KLF12: variants seen among roughly 807,000 people sequenced by gnomAD.
KLF12 encodes the protein Krueppel-like factor 12.
KLF12 carries 9 observed loss-of-function variants against 37.8 expected under a neutral mutation model. The ratio of observed to expected loss-of-function variants is 0.24; its 90% CI spans 0.14 to 0.42. The LOEUF (loss-of-function observed/expected upper bound fraction) is 0.42. Ranked by LOEUF, KLF12 falls within the 10% of genes least tolerant of loss-of-function variation. KLF12 has a pLI of 1.00. For missense variants in KLF12, 411 were observed against 516.0 expected (o/e 0.80, Z 1.97); for synonymous variants, 208 against 202.1 (o/e 1.03, Z -0.25).
intron 1 of KLF12, among the ~76,000 whole-genome samples, chr13:74,114,446 AG>A (rs1877166328): frequency 6.6e-6 from 1 of 152,096 alleles, no homozygotes; most frequent in Non-Finnish European, 1.5e-5. Flanking sequence ...TGCTTTATTG[AG>A]ATATTTGCTT....
At chr13:73,903,538 G>A (rs994584570) in intron 3 of KLF12, among the ~76,000 whole-genome samples, 8 of 152,200 alleles carry the variant, frequency 5.3e-5, no homozygotes, top group Non-Finnish European at 1.0e-4. Flanking sequence ...ATACTTACTG[G>A]TAAATGTTTA....
At chr13:73,845,692 C>T (rs1383387309) in intron 4 of KLF12, 135 bp downstream of exon 4, 13 of 704,794 alleles carry the variant, frequency 1.8e-5, no homozygotes, top group Non-Finnish European at 3.1e-5. Flanking sequence ...TAAGGCTGAA[C>T]AGCTGGTGTC....
intron 5 of KLF12, among the ~76,000 whole-genome samples, chr13:73,777,827 T>A (rs920244538): frequency 6.6e-6 from 1 of 151,714 alleles, no homozygotes; most frequent in Non-Finnish European, 1.5e-5. Flanking sequence ...CCTTACTCTG[T>A]CTTTTTTTTA....
chr13:73,709,738 C>T (rs745686617), intron 7 of KLF12, among the ~76,000 whole-genome samples: 29 of 152,116 alleles, frequency 1.9e-4, no homozygotes, highest in Non-Finnish European at 4.0e-4. Flanking sequence ...GCAGGTATTT[C>T]ACAAGGACAT....
chr13:74,013,338 G>C (rs1339027833), intron 1 of KLF12, among the ~76,000 whole-genome samples: 1 of 152,232 alleles, frequency 6.6e-6, no homozygotes, highest in African/African-American at 2.4e-5. Context: ...CCAGGGTTGA[G>C]ACCGAGGTGG....
the KLF12 span, among the ~76,000 whole-genome samples, chr13:74,150,147 TG>T: frequency 6.6e-6 from 1 of 152,196 alleles, no homozygotes; most frequent in Admixed American, 6.5e-5. Context: ...TCTATTTCAC[TG>T]ATGTATTCAC....
chr13:73,788,782 C>T, intron 5 of KLF12, among the ~76,000 whole-genome samples: 1 of 152,010 alleles, frequency 6.6e-6, no homozygotes, highest in East Asian at 1.9e-4. Context: ...GACTCCTCTG[C>T]AATTAATTTT....
intron 4 of KLF12, chr13:73,845,067 T>A (rs771894926): frequency 6.6e-6 from 1 of 152,150 alleles, no homozygotes; most frequent in Non-Finnish European, 1.5e-5. Flanking sequence ...AGAAAATAAC[T>A]TCATGACCAG....
intron 3 of KLF12, among the ~76,000 whole-genome samples, chr13:73,874,925 T>C (rs1432255757): frequency 6.6e-6 from 1 of 152,186 alleles, no homozygotes; most frequent in African/African-American, 2.4e-5. Context: ...TTCAAAGATC[T>C]ACAGTCATTA....
intron 2 of KLF12, among the ~76,000 whole-genome samples, chr13:73,994,300 G>A (rs1326548785): frequency 1.3e-5 from 2 of 152,138 alleles, no homozygotes; most frequent in Non-Finnish European, 1.5e-5. Context: ...TATGAGACCT[G>A]TTCAGTGTAA....
At chr13:74,003,363 G>T (rs1042617680) in intron 1 of KLF12, among the ~76,000 whole-genome samples, 3 of 152,108 alleles carry the variant, frequency 2.0e-5, no homozygotes, top group African/African-American at 4.8e-5. Context: ...AACTTACAAA[G>T]AATATATGTA....
At chr13:73,920,575 T>C (rs1889066412) in intron 3 of KLF12, among the ~76,000 whole-genome samples, 1 of 152,160 alleles carries the variant, frequency 6.6e-6, no homozygotes, top group Non-Finnish European at 1.5e-5. Flanking sequence ...CAGAATTCTC[T>C]ATCCAAACTT....
chr13:74,128,678 T>A (rs1196466759), intron 1 of KLF12, among the ~76,000 whole-genome samples: 1 of 152,252 alleles, frequency 6.6e-6, no homozygotes, highest in Non-Finnish European at 1.5e-5. Flanking sequence ...AGGTTTTCTT[T>A]ACATTGTTTT....
At position 74,022,325 on chromosome 13, in the gene KLF12, AC is replaced by A. The variant is rs555150589; in HGVS notation, c.-31-27273del. Among the ~76,000 whole-genome samples the A allele has an allele frequency of 1.3e-3, 203 of 152,248 alleles. 1 individual carries two copies. The highest frequency in any genetic ancestry group is 4.2e-3 in the African/African-American group (175 of 41,508). ...ACTGCAAACAGAATTTCAGAAAAAAACATAATTATACAGACATTTTTATGTC... is the reference window on the plus strand; with the variant it reads ...ACTGCAAACAGAATTTCAGAAAAAAAATAATTATACAGACATTTTTATGTC... On this transcript the variant is annotated intron_variant, in intron 1 of 7. Coordinates refer to ENST00000377669, the MANE Select transcript of KLF12 (RefSeq NM_007249.5).
intron 3 of KLF12, among the ~76,000 whole-genome samples, chr13:73,877,113 C>T (rs1886746397): frequency 1.3e-5 from 2 of 152,010 alleles, no homozygotes; most frequent in South Asian, 4.1e-4. Context: ...TACATTGAAC[C>T]TCTGTTCTTT....
chr13:74,228,482 G>A, the KLF12 span, among the ~76,000 whole-genome samples: 71 of 151,968 alleles, frequency 4.7e-4, no homozygotes, highest in African/African-American at 1.5e-3. Context: ...TTTTGAGGTC[G>A]CCTAGACCAG....
chr13:74,174,904 A>G, the KLF12 span, among the ~76,000 whole-genome samples: 1 of 152,234 alleles, frequency 6.6e-6, no homozygotes, highest in Non-Finnish European at 1.5e-5. Context: ...GATATAAATC[A>G]TATGAGATGA....
intron 2 of KLF12, among the ~76,000 whole-genome samples, chr13:73,954,187 C>G (rs945599274): frequency 6.6e-6 from 1 of 151,748 alleles, no homozygotes; most frequent in Non-Finnish European, 1.5e-5. Flanking sequence ...ACCATGTTAG[C>G]CAGGATGGTC....
At chr13:73,716,225 TG>T (rs1478498318) in intron 6 of KLF12, among the ~76,000 whole-genome samples, 17 of 152,330 alleles carry the variant, frequency 1.1e-4, no homozygotes, top group African/African-American at 4.1e-4. Context: ...TTAATCTGAA[TG>T]CCCCAGTAGA....
Sources: allele counts gnomAD v4.1 joint callset (sites outside exome capture counted in the v4.1 genomes callset), GRCh38; gene constraint gnomAD v4.1.1; transcripts MANE v1.5; gene names NCBI Gene and HGNC (gene_info 2026-07-23, HGNC 2026-07-21).